The following EIF4G3 variants were observed in gnomAD, a reference collection of about 807,000 sequenced individuals.
EIF4G3 encodes eIF-4-gamma 3.
EIF4G3 carries 34 observed loss-of-function variants against 186.4 expected under a neutral mutation model. That is an observed-to-expected ratio of 0.18 (90% CI 0.14 to 0.24). EIF4G3 has a LOEUF of 0.24. Ranked by LOEUF, EIF4G3 falls within the 10% of genes least tolerant of loss-of-function variation. EIF4G3 has a pLI of 1.00. For missense variants in EIF4G3, 1,536 were observed against 1,948.5 expected (o/e 0.79, Z 3.99); for synonymous variants, 673 against 679.5 (o/e 0.99, Z 0.15).
At chr1:21,018,161 G>A (rs980346168) in intron 4 of EIF4G3, among the ~76,000 whole-genome samples, 13 of 152,040 alleles carry the variant, frequency 8.6e-5, no homozygotes, top group African/African-American at 2.7e-4. Flanking sequence ...ACCCAGGCTG[G>A]TCTCAAATTC....
chr1:20,926,489 G>C (rs1490603635), intron 14 of EIF4G3, among the ~76,000 whole-genome samples: 2 of 152,080 alleles, frequency 1.3e-5, no homozygotes, highest in Non-Finnish European at 2.9e-5. Flanking sequence ...AGACCAGCTG[G>C]GCAATATGGC....
At chr1:21,173,858 G>A (rs573634237) in intron 2 of EIF4G3, among the ~76,000 whole-genome samples, 1 of 152,054 alleles carries the variant, frequency 6.6e-6, no homozygotes, top group Non-Finnish European at 1.5e-5. Flanking sequence ...ATGACCACTT[G>A]CGTCAAATAC....
chr1:21,110,224 C>T (rs1425961990), intron 2 of EIF4G3, among the ~76,000 whole-genome samples: 2 of 152,034 alleles, frequency 1.3e-5, no homozygotes, highest in Non-Finnish European at 2.9e-5. Context: ...TCAAATCTAA[C>T]CAACATTCTA....
chr1:21,165,898 C>T (rs2097847260), intron 2 of EIF4G3, among the ~76,000 whole-genome samples: 1 of 151,690 alleles, frequency 6.6e-6, no homozygotes, highest in African/African-American at 2.4e-5. Context: ...TGAAGTCTAA[C>T]TTCCTCTTAT....
intron 2 of EIF4G3, among the ~76,000 whole-genome samples, chr1:21,107,850 A>G (rs1229025616): frequency 6.6e-6 from 1 of 152,160 alleles, no homozygotes. Flanking sequence ...AGCTTATACA[A>G]GTTATAACAA....
At chr1:20,834,191 G>GT (rs1226836339) in intron 30 of EIF4G3, among the ~76,000 whole-genome samples, 1 of 152,174 alleles carries the variant, frequency 6.6e-6, no homozygotes, top group Non-Finnish European at 1.5e-5. Context: ...GCTCATGCCT[G>GT]TAATCCCAAC....
chr1:21,090,891 T>TA (rs373275692), intron 2 of EIF4G3, among the ~76,000 whole-genome samples: 1 of 152,176 alleles, frequency 6.6e-6, no homozygotes, highest in African/African-American at 2.4e-5. Context: ...TATCAGGAGA[T>TA]AAAAAAATAA....
At chr1:21,146,028 G>A (rs528596865) in intron 2 of EIF4G3, among the ~76,000 whole-genome samples, 2 of 152,054 alleles carry the variant, frequency 1.3e-5, no homozygotes, top group African/African-American at 4.8e-5. Context: ...CCAGGAGTTC[G>A]AGGCTGTAGT....
chr1:21,143,311 A>G (rs2097372689), intron 2 of EIF4G3, among the ~76,000 whole-genome samples: 1 of 151,772 alleles, frequency 6.6e-6, no homozygotes, highest in South Asian at 2.1e-4. Context: ...ACAAAGAAAG[A>G]AAGAGAAAGG....
intron 7 of EIF4G3, among the ~76,000 whole-genome samples, chr1:20,993,146 C>A (rs2081485271): frequency 6.6e-6 from 1 of 152,042 alleles, no homozygotes; most frequent in Non-Finnish European, 1.5e-5. Context: ...CCACAAAAGA[C>A]AAAAACTAAT....
At chr1:21,086,801 G>A (rs1220856999) in intron 3 of EIF4G3, among the ~76,000 whole-genome samples, 15 of 151,998 alleles carry the variant, frequency 9.9e-5, no homozygotes, top group African/African-American at 3.4e-4. Flanking sequence ...TTAGCCAGGT[G>A]TGGTGATGTG....
chr1:20,882,399 C>CACTTGAG lies in EIF4G3; in HGVS notation c.2425-2886_2425-2880dup, dbSNP rs1293443993. Among the ~76,000 whole-genome samples, 4 of 152,170 alleles carry CACTTGAG rather than the reference C, an allele frequency of 2.6e-5. No homozygotes were observed. The East Asian group carries it at 7.8e-4, about 30-fold the overall frequency. On this transcript the variant is annotated intron_variant, in intron 19 of 36. Coordinates refer to ENST00000602326, the MANE Select transcript of EIF4G3 (RefSeq NM_001391906.1). ...CTTTGGGAGGCCAAGGAGGGCAGAT[C>CACTTGAG]ACTTGAGGCCCGGAGTTCCAGAGTA... is the stretch of plus-strand genomic sequence containing the variant.
At chr1:20,913,908 G>A (rs1338354070) in intron 14 of EIF4G3, among the ~76,000 whole-genome samples, 1 of 146,126 alleles carries the variant, frequency 6.8e-6, no homozygotes, top group Non-Finnish European at 1.5e-5. Context: ...CCGGGTTCAC[G>A]CCATTCTCCT....
chr1:21,090,031 T>C (rs1166205815), intron 2 of EIF4G3, among the ~76,000 whole-genome samples: 1 of 152,192 alleles, frequency 6.6e-6, no homozygotes, highest in Non-Finnish European at 1.5e-5. Flanking sequence ...CAGTGTAACA[T>C]GCACATACAA....
intron 2 of EIF4G3, among the ~76,000 whole-genome samples, chr1:21,117,484 T>C (rs2096845445): frequency 6.6e-6 from 1 of 152,084 alleles, no homozygotes; most frequent in East Asian, 1.9e-4. Flanking sequence ...AAAGCTTTGC[T>C]TTGCATTGTT....
At chr1:20,982,601 G>A (rs1292565711) in intron 7 of EIF4G3, among the ~76,000 whole-genome samples, 193 bp from the exon 8 acceptor site, 2 of 152,144 alleles carry the variant, frequency 1.3e-5, no homozygotes, top group African/African-American at 2.4e-5. Context: ...ACCACACATA[G>A]AATCAAAGAA....
chr1:20,943,965 TTA>T (rs1199245853), intron 13 of EIF4G3, among the ~76,000 whole-genome samples: 4 of 24,138 alleles, frequency 1.7e-4, no homozygotes, highest in African/African-American at 3.0e-4. Context: ...AAACTTGTCT[TTA>T]TTTTTTTTGT....
chr1:21,132,916 A>C (rs1182447562), intron 2 of EIF4G3, among the ~76,000 whole-genome samples: 1 of 151,456 alleles, frequency 6.6e-6, no homozygotes, highest in Non-Finnish European at 1.5e-5. Context: ...CCGAGTATCT[A>C]AAATTACAGG....
intron 12 of EIF4G3, among the ~76,000 whole-genome samples, chr1:20,963,641 A>G (rs1230850365): frequency 6.6e-6 from 1 of 152,166 alleles, no homozygotes; most frequent in East Asian, 1.9e-4. Context: ...AGAAAGGTAC[A>G]TAATTCATTT....
Sources: gnomAD v4.1 joint callset for allele counts (sites outside exome capture counted in the v4.1 genomes callset) on GRCh38, gnomAD v4.1.1 for gene constraint, MANE v1.5 for transcripts, NCBI Gene and HGNC (gene_info 2026-07-23, HGNC 2026-07-21) for gene names.